The following NUP188 variants were observed in gnomAD, a reference collection of about 807,000 sequenced individuals.
NUP188 encodes nucleoporin NUP188.
A neutral mutation model predicts 223.0 loss-of-function variants in NUP188; 97 were observed. The observed-to-expected ratio is 0.43, with a 90% CI of 0.37 to 0.51. The LOEUF (loss-of-function observed/expected upper bound fraction) is 0.51, where lower values mean the gene tolerates loss of function less well. NUP188 is among the 20% of genes least tolerant of loss of function. The pLI is 0.00. For synonymous variants in NUP188, 869 were observed against 828.0 expected, an observed-to-expected ratio of 1.05 and a Z score of -0.85; for missense variants, 1,947 against 2,175.6, an observed-to-expected ratio of 0.89 and a Z score of 2.09.
chr9:129,006,891 G>A lies in NUP188; in HGVS notation c.*213G>A, dbSNP rs1203489813. ...AGGCATGGGGAGCCGAGTCTTCTGT[G>A]CTCAGGTCCTCACGCTGCAGACGCC... On this transcript the variant is annotated 3_prime_UTR_variant, in exon 44 of 44. Coordinates refer to ENST00000372577, the MANE Select transcript of NUP188 (RefSeq NM_015354.3). 4 of 474,626 alleles carry A rather than the reference G, an allele frequency of 8.4e-6. No individual in the cohort carries two copies. The highest frequency in any genetic ancestry group is 5.5e-4 in the Middle Eastern group (1 of 1,834). The allele number at this position is 474,626 out of a possible 1,614,324, so 29.4% of individuals were successfully genotyped here.
chr9:129,003,495 T>C (rs769868890), intron 38 of NUP188, 41 bp downstream of exon 38: 2 of 1,601,014 alleles, frequency 1.2e-6, no homozygotes, highest in East Asian at 2.2e-5. Context: ...GGGGTAATGC[T>C]TGGAGACAGG....
At chr9:128,979,796 C>T (rs957695166) in intron 13 of NUP188, among the ~76,000 whole-genome samples, 1 of 152,116 alleles carries the variant, frequency 6.6e-6, no homozygotes, top group Non-Finnish European at 1.5e-5. Context: ...CCATGCCTGG[C>T]TAATTTTTTG....
chr9:128,979,208 A>G (rs779819152), intron 12 of NUP188, 54 bp from the exon 13 acceptor site: 7 of 1,290,644 alleles, frequency 5.4e-6, no homozygotes, highest in Non-Finnish European at 6.7e-6. Context: ...AATAATAAAG[A>G]TAGACTGGTT....
At chr9:128,949,037 T>G in intron 1 of NUP188, 152 bp from the exon 2 acceptor site, 1 of 586,900 alleles carries the variant, frequency 1.7e-6, no homozygotes, top group South Asian at 2.1e-5. Context: ...AACAATATTA[T>G]TATATAACAA....
intron 8 of NUP188, among the ~76,000 whole-genome samples, chr9:128,962,011 AC>A (rs1252972840): frequency 6.8e-6 from 1 of 147,800 alleles, no homozygotes; most frequent in Non-Finnish European, 1.5e-5. Context: ...ATCTTGGCTC[AC>A]CACAGTCTCC....
intron 19 of NUP188, 35 bp from the exon 20 acceptor site, chr9:128,984,865 C>G: frequency 7.1e-7 from 1 of 1,417,096 alleles, no homozygotes; most frequent in Non-Finnish European, 9.9e-7. Context: ...TTGAAATTTC[C>G]CTATCATTTT....
rs141842859 is a variant in NUP188 at position 128,983,523 on chromosome 9, C to G, written c.1934C>G (p.Pro645Arg). 1 of 1,614,132 alleles carries G rather than the reference C, an allele frequency of 6.2e-7. No homozygotes were observed. Among genetic ancestry groups the G allele is most frequent in the Non-Finnish European group, 8.5e-7 (1 of 1,179,996 alleles). ...GGTTTTTTACCATTTGTGGCCCATC[C>G]TGTCTCCAGCCTGAGTCAGATGATT... The part of the protein sequence containing the change: ...HTGFLPFVAH[P>R]VSSLSQMISA... Residue 645 changes from proline (P) to arginine (R), a missense_variant, in exon 19 of 44, where the codon CCT becomes CGT. This residue lies in a region of NUP188 where 817 missense variants were observed against 865.8 expected (regional missense o/e 0.94). Transcript: ENST00000372577.
chr9:128,957,068 T>C (rs773718269), intron 5 of NUP188, 36 bp downstream of exon 5: 2 of 1,435,298 alleles, frequency 1.4e-6, no homozygotes, highest in Admixed American at 1.9e-5. Flanking sequence ...CTTCTGCCTT[T>C]ATCCTTTTTC....
chr9:128,979,732 A>C (rs1195971193), intron 13 of NUP188, among the ~76,000 whole-genome samples: 1 of 152,076 alleles, frequency 6.6e-6, no homozygotes, highest in Non-Finnish European at 1.5e-5. Flanking sequence ...TCCCGGGTTC[A>C]AGCAGTTCTC....
intron 33 of NUP188, 134 bp downstream of exon 33, chr9:128,999,451 C>A: frequency 1.5e-6 from 2 of 1,314,342 alleles, no homozygotes; most frequent in Non-Finnish European, 2.1e-6. Flanking sequence ...AATTCTTACC[C>A]CAAGAAAGCT....
intron 11 of NUP188, among the ~76,000 whole-genome samples, chr9:128,972,807 C>T (rs1842121018): frequency 6.6e-6 from 1 of 152,166 alleles, no homozygotes; most frequent in Non-Finnish European, 1.5e-5. Context: ...TACTCGTTGT[C>T]ACTGGTTGGC....
intron 37 of NUP188, 52 bp downstream of exon 37, chr9:129,003,027 C>T: frequency 1.3e-6 from 2 of 1,590,134 alleles, no homozygotes; most frequent in South Asian, 1.1e-5. Flanking sequence ...AAAAAAGGTA[C>T]TGGGCCATTC....
rs368625999 is a variant in NUP188 at position 129,006,661 on chromosome 9, C to G, written c.5233C>G (p.Arg1745Gly). ...GATCCAGTTGGTGCAGGCGTTTGTCCGGCATATGCAAAGATAGGGCAGTGC... is the reference window on the plus strand; with the variant it reads ...GATCCAGTTGGTGCAGGCGTTTGTCGGGCATATGCAAAGATAGGGCAGTGC... ...PLIQLVQAFVRHMQR is the reference protein window; with the variant it reads ...PLIQLVQAFVGHMQR Residue 1745 changes from arginine to glycine, a missense_variant, in exon 44 of 44, where the codon CGG (arginine) becomes GGG (glycine). Physicochemically the swap from Arg to Gly is moderately radical, Grantham distance 125 (BLOSUM62 -2). This residue lies in a region of NUP188 where 905 missense variants were observed against 990.6 expected (regional missense o/e 0.91). Coordinates refer to ENST00000372577, the MANE Select transcript of NUP188 (RefSeq NM_015354.3). 2 of 1,613,444 alleles carry G rather than the reference C, an allele frequency of 1.2e-6. No homozygotes were observed. Among genetic ancestry groups the G allele is most frequent in the Non-Finnish European group, 1.7e-6 (2 of 1,179,858 alleles).
At position 128,995,395 on chromosome 9, in the gene NUP188, T is replaced by C; in HGVS notation, c.3232T>C (p.Tyr1078His). 6.2e-7 allele frequency: 1 copy of C among 1,614,032 alleles called. No homozygotes were observed. Among genetic ancestry groups the C allele is most frequent in the South Asian group, 1.1e-5 (1 of 91,074 alleles). Reference sequence around the variant, plus strand: ...GAAACGCTTTGCCTACTGGTCAGGGTATGTCAAGTCATTGGCAGTTCACGT... The same window carrying C: ...GAAACGCTTTGCCTACTGGTCAGGGCATGTCAAGTCATTGGCAGTTCACGT... ...IEKRFAYWSG[Y>H]VKSLAVHVAE... Residue 1078 changes from tyrosine to histidine, a missense_variant, in exon 30 of 44, where the codon TAT (tyrosine) becomes CAT (histidine). Transcript: ENST00000372577.
At position 128,988,719 on chromosome 9, in the gene NUP188, A is replaced by ATT. The variant is rs528821221; in HGVS notation, c.2533+559_2533+560dup. Among the ~76,000 whole-genome samples the ATT allele has an allele frequency of 7.9e-3, 576 of 72,872 alleles. 30 individuals carry two copies. The highest frequency in any genetic ancestry group is 0.013 in the Middle Eastern group (1 of 76). The allele number at this position is 72,872 out of a possible 152,430, so 47.8% of individuals were successfully genotyped here. On this transcript the variant is annotated intron_variant, in intron 24 of 43. Transcript: ENST00000372577. ...ATTCCAGATTTTTTTTAATTTTTTA[A>ATT]TTTTTTTTTTTTTTTTTTTTTTTTT...
intron 24 of NUP188, 83 bp downstream of exon 24, chr9:128,988,269 GT>G: frequency 6.9e-7 from 1 of 1,449,032 alleles, no homozygotes; most frequent in Non-Finnish European, 9.5e-7. Flanking sequence ...CTTAGGCAGT[GT>G]TTTTGGATGT....
intron 8 of NUP188, among the ~76,000 whole-genome samples, chr9:128,965,102 T>A (rs906114952): frequency 1.1e-4 from 17 of 152,234 alleles, no homozygotes; most frequent in Admixed American, 2.0e-4. Context: ...AATTTACCAG[T>A]GAAGCCATCT....
At chr9:128,974,775 T>C (rs962919733) in intron 12 of NUP188, among the ~76,000 whole-genome samples, 12 of 146,386 alleles carry the variant, frequency 8.2e-5, no homozygotes, top group African/African-American at 2.0e-4. Flanking sequence ...CATTGTCTCT[T>C]TTTTTTTTTT....
chr9:129,003,194 C>A, intron 37 of NUP188, 123 bp from the exon 38 acceptor site: 5 of 1,272,386 alleles, frequency 3.9e-6, no homozygotes, highest in Non-Finnish European at 5.4e-6. Context: ...TACCACTAAG[C>A]CATTTCTTTG....
Sources: allele counts gnomAD v4.1 joint callset (sites outside exome capture counted in the v4.1 genomes callset), GRCh38; gene constraint gnomAD v4.1.1; regional missense constraint gnomAD v4.1.1; transcripts MANE v1.5; gene names NCBI Gene and HGNC (gene_info 2026-07-23, HGNC 2026-07-21).